Variants in EYS observed in about 807,000 individuals in gnomAD.
EYS encodes protein eyes shut homolog.
In EYS, 250 loss-of-function variants were observed where a neutral mutation model predicts 282.1. The observed-to-expected ratio is 0.89, with a 90% CI of 0.80 to 0.98. The LOEUF is 0.98. EYS is among the 50% of genes least tolerant of loss of function. The pLI, the probability that EYS is intolerant of heterozygous loss-of-function variation, is 0.00. For missense variants in EYS, 4,016 were observed against 3,709.0 expected (o/e 1.08, Z -2.15); for synonymous variants, 1,355 against 1,282.9 (o/e 1.06, Z -1.20).
At chr6:64,241,173 G>A (rs1436959972) in intron 30 of EYS, among the ~76,000 whole-genome samples, 5 of 152,188 alleles carry the variant, frequency 3.3e-5, no homozygotes, top group South Asian at 2.1e-4. Flanking sequence ...TTTTCACATC[G>A]ATGTTTATCA....
At chr6:65,433,041 G>T (rs1419583241) in intron 5 of EYS, among the ~76,000 whole-genome samples, 1 of 152,032 alleles carries the variant, frequency 6.6e-6, no homozygotes, top group Non-Finnish European at 1.5e-5. Flanking sequence ...TTACAGTGTT[G>T]AATTTAAGAT....
At chr6:65,228,116 C>A (rs993973232) in intron 12 of EYS, among the ~76,000 whole-genome samples, 1 of 152,034 alleles carries the variant, frequency 6.6e-6, no homozygotes, top group African/African-American at 2.4e-5. Context: ...ATAGATGCAT[C>A]CATAAAAAGT....
At chr6:63,832,738 C>T (rs1312696334) in intron 36 of EYS, among the ~76,000 whole-genome samples, 1 of 152,132 alleles carries the variant, frequency 6.6e-6, no homozygotes, top group African/African-American at 2.4e-5. Context: ...CATCCTCATA[C>T]CAAAGCCTGG....
At chr6:65,553,785 G>C (rs1201519443) in intron 2 of EYS, among the ~76,000 whole-genome samples, 1 of 151,958 alleles carries the variant, frequency 6.6e-6, no homozygotes, top group Non-Finnish European at 1.5e-5. Context: ...TTAAGCAATT[G>C]ATAATGTCCA....
intron 22 of EYS, among the ~76,000 whole-genome samples, chr6:64,756,414 T>C (rs964721559): frequency 1.3e-5 from 2 of 152,138 alleles, no homozygotes; most frequent in Non-Finnish European, 2.9e-5. Flanking sequence ...ACATAGAATA[T>C]GAATGGGAAT....
At chr6:63,830,434 A>T (rs1186537425) in intron 36 of EYS, among the ~76,000 whole-genome samples, 9 of 152,354 alleles carry the variant, frequency 5.9e-5, no homozygotes, top group Admixed American at 1.3e-4. Flanking sequence ...CACAAGCCTC[A>T]GTAGCCAATT....
At chr6:65,201,200 G>A (rs559418156) in intron 12 of EYS, among the ~76,000 whole-genome samples, 1 of 152,082 alleles carries the variant, frequency 6.6e-6, no homozygotes, top group Non-Finnish European at 1.5e-5. Context: ...GAGGCTTTCT[G>A]TGGTGGAGGG....
intron 28 of EYS, among the ~76,000 whole-genome samples, chr6:64,420,881 C>A (rs1582731541): frequency 6.6e-6 from 1 of 152,140 alleles, no homozygotes. Flanking sequence ...GCATTTTGGT[C>A]AAAGCTATTC....
chr6:65,686,050 C>G (rs9453364), intron 1 of EYS, among the ~76,000 whole-genome samples: 33,234 of 151,928 alleles, frequency 0.22, 4,328 homozygotes, highest in African/African-American at 0.37. Context: ...ATTGTTCTAC[C>G]TGAAGAATGT....
chr6:64,113,200 T>C (rs147653936), intron 31 of EYS, among the ~76,000 whole-genome samples: 178 of 152,302 alleles, frequency 1.2e-3, no homozygotes, highest in South Asian at 2.3e-3. Context: ...TATAAACTTT[T>C]ATAACAGTAA....
intron 33 of EYS, among the ~76,000 whole-genome samples, chr6:64,049,384 A>G (rs1770732964): frequency 6.6e-6 from 1 of 152,198 alleles, no homozygotes; most frequent in African/African-American, 2.4e-5. Context: ...ATTTCACTGT[A>G]TGCTAAGGCA....
intron 8 of EYS, among the ~76,000 whole-genome samples, chr6:65,363,323 C>T (rs907090542): frequency 4.6e-5 from 7 of 151,862 alleles, no homozygotes; most frequent in South Asian, 4.1e-4. Flanking sequence ...CAGCTAATTG[C>T]TAATGCAAAC....
rs902098994 is a variant in EYS, at chr6:64,583,342, G to A, written c.5644+6881C>T. 6.6e-5 allele frequency among the ~76,000 whole-genome samples: 10 copies of A among 151,962 alleles called. No individual in the cohort carries two copies. The East Asian group carries it at 1.2e-3, about 18-fold the overall frequency. ...GATATAAACATATGATTCAAAATAC[G>A]TAGAAAAGAAAAATGATGTTATTGT... is the stretch of plus-strand genomic sequence containing the variant. On this transcript the variant is annotated intron_variant, in intron 26 of 42. Coordinates refer to ENST00000503581, the MANE Select transcript of EYS (RefSeq NM_001142800.2).
At chr6:65,582,446 T>C (rs1284671575) in intron 2 of EYS, among the ~76,000 whole-genome samples, 1 of 152,128 alleles carries the variant, frequency 6.6e-6, no homozygotes, top group Non-Finnish European at 1.5e-5. Context: ...TAGTCCTGTT[T>C]ATAGAGGCTT....
Position 63,721,351 on chromosome 6 carries a change from C to T in EYS, c.8680G>A (p.Gly2894Ser), listed in dbSNP as rs971882330. The change falls in exon 43 of 43, where the codon GGC (glycine) becomes AGC (serine). Residue 2894 changes from glycine (G) to serine (S), a missense_variant. Gly to Ser is a moderately conservative substitution (Grantham distance 56). Transcript: ENST00000503581. ...AAACATCTGCAAGAAAAAGTTGTGC[C>T]ATTTACTGTACATTCACCTCCATTT... ...CRNGGECTVN[G>S]TTFSCRCLPD... 4 of 1,551,756 alleles carry T rather than the reference C, an allele frequency of 2.6e-6. No homozygotes were observed. In the African/African-American group the frequency reaches 4.1e-5, roughly 16 times the overall value.
intron 41 of EYS, among the ~76,000 whole-genome samples, chr6:63,731,252 T>C (rs1425377298): frequency 6.6e-6 from 1 of 152,194 alleles, no homozygotes; most frequent in Non-Finnish European, 1.5e-5. Flanking sequence ...TTAGCAGTCA[T>C]AATGATTCCA....
intron 2 of EYS, among the ~76,000 whole-genome samples, chr6:65,583,451 A>G (rs966461897): frequency 6.6e-6 from 1 of 152,088 alleles, no homozygotes; most frequent in Non-Finnish European, 1.5e-5. Flanking sequence ...AGGATGCCAA[A>G]AGTAAAACAA....
chr6:63,999,687 C>A (rs1419398186), intron 33 of EYS, among the ~76,000 whole-genome samples: 1 of 152,152 alleles, frequency 6.6e-6, no homozygotes, highest in African/African-American at 2.4e-5. Flanking sequence ...GTTATCAGAA[C>A]TCAGAAAGCA....
At chr6:65,274,144 A>G (rs1159928276) in intron 12 of EYS, among the ~76,000 whole-genome samples, 1 of 152,226 alleles carries the variant, frequency 6.6e-6, no homozygotes, top group Admixed American at 6.5e-5. Flanking sequence ...CATACTCAGC[A>G]GCTGACTTGT....
Sources: gnomAD v4.1 joint callset for allele counts (sites outside exome capture counted in the v4.1 genomes callset) on GRCh38, gnomAD v4.1.1 for gene constraint, MANE v1.5 for transcripts, NCBI Gene and HGNC (gene_info 2026-07-23, HGNC 2026-07-21) for gene names.